Variants in ITGB5 observed in about 807,000 individuals in gnomAD.
ITGB5 encodes the protein integrin beta-5.
Under a neutral mutation model 84.8 loss-of-function variants are expected in ITGB5, and 38 were observed. The ratio of observed to expected loss-of-function variants is 0.45; its 90% CI spans 0.35 to 0.59. The LOEUF is 0.59. Among genes scored for constraint, ITGB5 ranks in the 20% least tolerant of loss-of-function variants. The probability of loss-of-function intolerance (pLI) is 0.01; values close to 1 mark genes in which losing one functional copy is unlikely to be tolerated. For missense variants in ITGB5, 905 were observed against 1,034.5 expected (o/e 0.87, Z 1.72); for synonymous variants, 393 against 414.4 (o/e 0.95, Z 0.63).
chr3:124,839,286 T>C (rs1231544881), intron 5 of ITGB5, among the ~76,000 whole-genome samples: 8 of 152,140 alleles, frequency 5.3e-5, no homozygotes, highest in Admixed American at 4.6e-4. Context: ...GTCCAGACAA[T>C]GAACTGAGAA....
chr3:124,808,897 A>T, intron 9 of ITGB5, 125 bp downstream of exon 9: 1 of 1,081,268 alleles, frequency 9.2e-7, no homozygotes, highest in Non-Finnish European at 1.3e-6. Flanking sequence ...CTCCTCTGGG[A>T]TGCTGAATTG....
intron 5 of ITGB5, among the ~76,000 whole-genome samples, chr3:124,840,843 T>C (rs1422425403): frequency 1.3e-5 from 2 of 152,078 alleles, no homozygotes; most frequent in African/African-American, 4.8e-5. Flanking sequence ...TTTTTGTATT[T>C]TCAGTAGAGA....
intron 3 of ITGB5, among the ~76,000 whole-genome samples, chr3:124,855,407 T>C (rs1288253423): frequency 6.6e-6 from 1 of 152,156 alleles, no homozygotes; most frequent in Non-Finnish European, 1.5e-5. Context: ...AATATGCATT[T>C]TGCATGACTG....
intron 1 of ITGB5, among the ~76,000 whole-genome samples, chr3:124,881,272 C>T (rs977529309): frequency 1.3e-5 from 2 of 152,158 alleles, no homozygotes; most frequent in Non-Finnish European, 2.9e-5. Flanking sequence ...GTGTGAGCCA[C>T]CCTGCCTGGC....
At chr3:124,862,042 T>C (rs992969757) in intron 2 of ITGB5, 3 of 152,220 alleles carry the variant, frequency 2.0e-5, no homozygotes, top group South Asian at 2.1e-4. Flanking sequence ...GAAGTAGATG[T>C]CTAATTAGCT....
At chr3:124,809,873 G>A (rs1301950869) in intron 8 of ITGB5, among the ~76,000 whole-genome samples, 4 of 152,242 alleles carry the variant, frequency 2.6e-5, no homozygotes, top group Non-Finnish European at 4.4e-5. Flanking sequence ...GTTGGGAAAG[G>A]ATGTAGAGCA....
intron 5 of ITGB5, among the ~76,000 whole-genome samples, chr3:124,824,914 C>T (rs116555554): frequency 0.01 from 1,590 of 152,182 alleles, 30 homozygotes; most frequent in African/African-American, 0.034. Context: ...AAATGTGGAA[C>T]GAGGCCTGGC....
chr3:124,830,536 A>AT (rs1173414929), intron 5 of ITGB5, among the ~76,000 whole-genome samples: 2 of 152,198 alleles, frequency 1.3e-5, no homozygotes, highest in Non-Finnish European at 2.9e-5. Context: ...AAAAACAGAG[A>AT]AAACATGTAG....
At chr3:124,847,910 G>A (rs2065098998) in intron 4 of ITGB5, among the ~76,000 whole-genome samples, 1 of 151,914 alleles carries the variant, frequency 6.6e-6, no homozygotes, top group Non-Finnish European at 1.5e-5. Flanking sequence ...AAAACAACAG[G>A]GACAAATTTT....
chr3:124,859,398 T>G lies in ITGB5; in HGVS notation c.205A>C (p.Asn69His). Reference protein sequence around the residue: ...SITSRCDLRANLVKNGCGGEI... With the variant: ...SITSRCDLRAHLVKNGCGGEI... ...CCTCCACAGCCATTTTTGACAAGGT[T>G]TGCCCTCAGATCACACCGAGAGGTG... Residue 69 changes from asparagine to histidine, a missense_variant, in exon 3 of 15, where the codon AAC becomes CAC. By Grantham distance (68) the Asn-to-His change is moderately conservative. This residue lies in a region of ITGB5 where 656 missense variants were observed against 734.7 expected (regional missense o/e 0.89). Transcript: ENST00000296181. 6.2e-7 allele frequency: 1 copy of G among 1,614,070 alleles called. No individual in the cohort carries two copies. Among genetic ancestry groups the G allele is most frequent in the Non-Finnish European group, 8.5e-7 (1 of 1,180,004 alleles).
intron 2 of ITGB5, chr3:124,862,067 G>T (rs1305793564): frequency 6.6e-6 from 1 of 152,272 alleles, no homozygotes; most frequent in East Asian, 1.9e-4. Flanking sequence ...AGAGCTTGAA[G>T]AGCTCAGGGG....
At chr3:124,818,210 C>T (rs766392212) in intron 7 of ITGB5, among the ~76,000 whole-genome samples, 32 of 152,222 alleles carry the variant, frequency 2.1e-4, no homozygotes, top group Non-Finnish European at 4.1e-4. Context: ...GGCGCCCTCC[C>T]ACGGACCTCT....
At chr3:124,875,092 T>C (rs1934242559) in intron 1 of ITGB5, among the ~76,000 whole-genome samples, 1 of 152,162 alleles carries the variant, frequency 6.6e-6, no homozygotes, top group South Asian at 2.1e-4. Flanking sequence ...GAGAGAATAT[T>C]TGCAAACCAC....
At chr3:124,886,877 C>G (rs1934838875) in intron 1 of ITGB5, 54 bp downstream of exon 1, 1 of 1,130,124 alleles carries the variant, frequency 8.8e-7, no homozygotes, top group Non-Finnish European at 1.1e-6. Flanking sequence ...GACGCCCGCC[C>G]GCGGCTGAGT....
intron 1 of ITGB5, among the ~76,000 whole-genome samples, chr3:124,880,100 A>T (rs759017227): frequency 1.2e-4 from 18 of 152,346 alleles, no homozygotes; most frequent in African/African-American, 3.8e-4. Flanking sequence ...GAGGGGGATG[A>T]TCTACAAAAT....
intron 2 of ITGB5, among the ~76,000 whole-genome samples, chr3:124,868,576 T>C (rs2065427778): frequency 7.2e-6 from 1 of 138,216 alleles, no homozygotes; most frequent in African/African-American, 2.8e-5. Flanking sequence ...AGCCCAGGAG[T>C]TGGAGACCAG....
chr3:124,830,911 G>C (rs1162636231), intron 5 of ITGB5, among the ~76,000 whole-genome samples: 1 of 152,158 alleles, frequency 6.6e-6, no homozygotes, highest in African/African-American at 2.4e-5. Context: ...TTGAACCCAG[G>C]AGGCAGAGGT....
intron 10 of ITGB5, among the ~76,000 whole-genome samples, chr3:124,794,854 GAGA>G (rs541530983): frequency 1.4e-3 from 220 of 151,734 alleles, no homozygotes; most frequent in Non-Finnish European, 2.8e-3. Context: ...GGAGGAGAAG[GAGA>G]AGAAGAAGAA....
At chr3:124,786,293 T>C (rs11712700) in intron 10 of ITGB5, among the ~76,000 whole-genome samples, 2,020 of 152,110 alleles carry the variant, frequency 0.013, 34 homozygotes, top group South Asian at 0.045. Context: ...TCCCAACACT[T>C]TGGAAGGCTG....
Sources: allele counts gnomAD v4.1 joint callset (sites outside exome capture counted in the v4.1 genomes callset), GRCh38; gene constraint gnomAD v4.1.1; regional missense constraint gnomAD v4.1.1; transcripts MANE v1.5; gene names NCBI Gene and HGNC (gene_info 2026-07-23, HGNC 2026-07-21).